The following ARHGEF10 variants were observed in gnomAD, a reference collection of about 807,000 sequenced individuals.
ARHGEF10 encodes the protein Rho guanine nucleotide exchange factor (GEF) 10.
In ARHGEF10, 140 loss-of-function variants were observed where a neutral mutation model predicts 147.4. That is an observed-to-expected ratio of 0.95 (90% CI 0.83 to 1.09). The LOEUF (loss-of-function observed/expected upper bound fraction) is 1.09. ARHGEF10 is among the 50% of genes least tolerant of loss of function. ARHGEF10 has a pLI of 0.00. For missense variants in ARHGEF10, 2,222 were observed against 1,752.7 expected (o/e 1.27, Z -4.78); for synonymous variants, 902 against 695.8 (o/e 1.30, Z -4.67).
intron 2 of ARHGEF10, among the ~76,000 whole-genome samples, chr8:1,852,711 A>T (rs1463310179): frequency 1.3e-5 from 2 of 152,244 alleles, no homozygotes; most frequent in African/African-American, 4.8e-5. Context: ...TCTATTTCAT[A>T]ACTTGTTTTA....
intron 3 of ARHGEF10, among the ~76,000 whole-genome samples, 193 bp from the exon 4 acceptor site, chr8:1,859,704 G>T (rs550744842): frequency 3.9e-4 from 59 of 152,300 alleles, no homozygotes; most frequent in African/African-American, 1.4e-3. Context: ...TCTCACCTGT[G>T]CCCAGAGGTG....
rs574231139 is a variant in ARHGEF10 at position 1,937,350 on chromosome 8, G to C, written c.3222+3408G>C. Among the ~76,000 whole-genome samples, 1 of 152,128 alleles carries C rather than the reference G, an allele frequency of 6.6e-6. No homozygotes were observed. The highest frequency in any genetic ancestry group is 1.5e-5 in the Non-Finnish European group (1 of 68,016). On this transcript the variant is annotated intron_variant, in intron 26 of 28. Transcript: ENST00000349830. The surrounding 1 kb of genome is among the most constrained non-coding windows in gnomAD (Gnocchi z 4.9). ...GTACCCCATCAGTACAGCCATCCTAGTAATTGCGTATTTACAGAGGGAGCT... is the reference window on the plus strand; with the variant it reads ...GTACCCCATCAGTACAGCCATCCTACTAATTGCGTATTTACAGAGGGAGCT...
chr8:1,935,993 G>C (rs193007097), intron 26 of ARHGEF10, among the ~76,000 whole-genome samples: 1 of 152,134 alleles, frequency 6.6e-6, no homozygotes, highest in Non-Finnish European at 1.5e-5. Context: ...ACGTGCCAGC[G>C]TGTGTGTGTG....
chr8:1,871,782 A>G lies in ARHGEF10; in HGVS notation c.679+2532A>G, dbSNP rs973176643. Among the ~76,000 whole-genome samples, 61 of 152,096 alleles carry G rather than the reference A, an allele frequency of 4.0e-4. 3 individuals are homozygous for G. The highest frequency in any genetic ancestry group is 1.5e-5 in the Non-Finnish European group (1 of 68,026). On this transcript the variant is annotated intron_variant, in intron 7 of 28. Transcript: ENST00000349830. ...CGGTGAGCCGAGGTTGCACCACTACACTCCAGCCTGGGCAACAGAGCGAGA... is the reference window on the plus strand; with the variant it reads ...CGGTGAGCCGAGGTTGCACCACTACGCTCCAGCCTGGGCAACAGAGCGAGA...
chr8:1,952,555 G>A (rs1268098421), intron 27 of ARHGEF10, 150 bp from the exon 28 acceptor site: 1 of 1,007,350 alleles, frequency 9.9e-7, no homozygotes, highest in Admixed American at 2.1e-5. Context: ...GGAGCCTGGT[G>A]CTCGGGTTTG....
intron 1 of ARHGEF10, among the ~76,000 whole-genome samples, chr8:1,826,981 G>A (rs1024182934): frequency 6.6e-6 from 1 of 152,240 alleles, no homozygotes; most frequent in Middle Eastern, 3.2e-3. Flanking sequence ...GCTCTGCAGT[G>A]GAAAGGGGTG....
chr8:1,905,167 C>T (rs993371277), intron 16 of ARHGEF10, among the ~76,000 whole-genome samples: 10 of 152,060 alleles, frequency 6.6e-5, no homozygotes, highest in African/African-American at 2.2e-4. Flanking sequence ...ACTTCTACAT[C>T]GCATACCATT....
At chr8:1,848,300 A>AG (rs1804712794) in intron 2 of ARHGEF10, among the ~76,000 whole-genome samples, 1 of 152,184 alleles carries the variant, frequency 6.6e-6, no homozygotes, top group South Asian at 2.1e-4. Flanking sequence ...AACATGCCCC[A>AG]GGGAGGGATT....
Position 1,827,893 on chromosome 8 carries a change from G to A in ARHGEF10, c.-48+3780G>A, listed in dbSNP as rs559659258. Among the ~76,000 whole-genome samples, 6 of 152,338 alleles carry A rather than the reference G, an allele frequency of 3.9e-5. No individual in the cohort carries two copies. In the South Asian group the frequency reaches 6.2e-4, roughly 16 times the overall value. ...GTGACTGGTGCGGGGGCCCTTGTGA[G>A]GGAGCGATGGGGAAGCATGCAGGTT... On this transcript the variant is annotated intron_variant, in intron 1 of 28. Coordinates refer to ENST00000349830, the MANE Select transcript of ARHGEF10 (RefSeq NM_014629.4).
In ARHGEF10 at chr8:1,860,201, C is replaced by T. The variant is rs1247661329; in HGVS notation, c.481+17C>T. 2 of 1,609,486 alleles carry T rather than the reference C, an allele frequency of 1.2e-6. No individual in the cohort carries two copies. Among genetic ancestry groups the T allele is most frequent in the Non-Finnish European group, 8.5e-7 (1 of 1,179,606 alleles). ...ACGAAGAAGGTACTGCTACCCTCCT[C>T]TCCACGCCCCCGAAGTGGCCTGTGG... On this transcript the variant is annotated intron_variant, in intron 4 of 28. Transcript: ENST00000349830.
intron 27 of ARHGEF10, among the ~76,000 whole-genome samples, chr8:1,947,519 C>G (rs1412270129): frequency 6.6e-6 from 1 of 152,110 alleles, no homozygotes; most frequent in East Asian, 1.9e-4. Context: ...AATAAAATAA[C>G]CCTTGCACAC....
At chr8:1,892,754 C>T (rs1038757825) in intron 11 of ARHGEF10, among the ~76,000 whole-genome samples, 5 of 151,992 alleles carry the variant, frequency 3.3e-5, no homozygotes, top group Non-Finnish European at 4.4e-5. Flanking sequence ...TGTTCATATG[C>T]GGGAGTGCGC....
chr8:1,869,060 T>A (rs2272710), intron 6 of ARHGEF10, 134 bp from the exon 7 acceptor site: 1,312 of 721,806 alleles, frequency 1.8e-3, no homozygotes, highest in Middle Eastern at 3.2e-3. Context: ...AAGTAAAAAA[T>A]AAAAAAAAAA....
At chr8:1,875,858 A>G (rs1807652646) in intron 7 of ARHGEF10, among the ~76,000 whole-genome samples, 1 of 152,216 alleles carries the variant, frequency 6.6e-6, no homozygotes, top group African/African-American at 2.4e-5. Flanking sequence ...GTTACAGTGA[A>G]TGACTGTGGA....
In ARHGEF10 at chr8:1,928,464, T is replaced by C; in HGVS notation, c.2735T>C (p.Ile912Thr). 6.3e-7 allele frequency: 1 copy of C among 1,595,878 alleles called. No individual in the cohort carries two copies. Among genetic ancestry groups the C allele is most frequent in the South Asian group, 1.1e-5 (1 of 90,782 alleles). Residue 912 changes from isoleucine to threonine, a missense_variant, in exon 24 of 29, where the codon ATC becomes ACC. Coordinates refer to ENST00000349830, the MANE Select transcript of ARHGEF10 (RefSeq NM_014629.4). Reference sequence around the variant, plus strand: ...ACCCATCAAATGGGTCAGATTGCCATCGTCTCGTTTCAAAATTCCACTCCC... The same window carrying C: ...ACCCATCAAATGGGTCAGATTGCCACCGTCTCGTTTCAAAATTCCACTCCC... ...SCTHQMGQIA[I>T]VSFQNSTPKV...
Position 1,826,162 on chromosome 8 carries a change from C to A in ARHGEF10, c.-48+2049C>A, listed in dbSNP as rs375823873. 19 of 1,578,678 alleles carry A rather than the reference C, an allele frequency of 1.2e-5. No homozygotes were observed. In the African/African-American group the frequency reaches 2.4e-4, roughly 20 times the overall value. ...TAAGAAAAGTCATTTGTATAAGGTG[C>A]TATTTGTAATTCATTAGTTGTAGAC... On this transcript the variant is annotated intron_variant, in intron 1 of 28. Coordinates refer to ENST00000349830, the MANE Select transcript of ARHGEF10 (RefSeq NM_014629.4).
intron 7 of ARHGEF10, chr8:1,870,274 C>T (rs1807004335): frequency 7.4e-6 from 1 of 135,608 alleles, no homozygotes. Context: ...TGGATTGGTC[C>T]AGTTTGCGTT....
intron 2 of ARHGEF10, among the ~76,000 whole-genome samples, chr8:1,854,766 C>T (rs184816268): frequency 1.3e-5 from 2 of 152,348 alleles, no homozygotes; most frequent in East Asian, 1.9e-4. Context: ...CTCATCTGCT[C>T]GTCATTCTCT....
At chr8:1,866,438 C>T in intron 5 of ARHGEF10, 88 bp from the exon 6 acceptor site, 7 of 1,021,970 alleles carry the variant, frequency 6.8e-6, no homozygotes, top group Non-Finnish European at 1.1e-5. Context: ...CACACACACA[C>T]ACACACACAC....
Sources: gnomAD v4.1 joint callset for allele counts (sites outside exome capture counted in the v4.1 genomes callset) on GRCh38, gnomAD v4.1.1 for gene constraint, Gnocchi (gnomAD v3.1) non-coding constraint, MANE v1.5 for transcripts, NCBI Gene and HGNC (gene_info 2026-07-23, HGNC 2026-07-21) for gene names.